LRMDA: variants seen among roughly 807,000 people sequenced by gnomAD.
LRMDA encodes leucine-rich melanocyte differentiation-associated protein.
Under a neutral mutation model 29.8 loss-of-function variants are expected in LRMDA, and 18 were observed. That is an observed-to-expected ratio of 0.60 (90% CI 0.42 to 0.90). The LOEUF (loss-of-function observed/expected upper bound fraction) is 0.90, where lower values mean the gene tolerates loss of function less well. Among genes scored for constraint, LRMDA ranks in the 40% least tolerant of loss-of-function variants. The pLI is 0.00. For synonymous variants in LRMDA, 125 were observed against 109.4 expected (o/e 1.14, Z -0.89); for missense variants, 273 against 273.9 (o/e 1.00, Z 0.02).
intron 2 of LRMDA, among the ~76,000 whole-genome samples, chr10:75,924,459 CA>C (rs534764978): frequency 2.0e-5 from 3 of 151,748 alleles, no homozygotes; most frequent in Non-Finnish European, 4.4e-5. Context: ...GATGGCTTGT[CA>C]AAAAAAATAA....
chr10:75,964,636 C>T (rs1274256674), intron 2 of LRMDA, among the ~76,000 whole-genome samples: 1 of 152,162 alleles, frequency 6.6e-6, no homozygotes, highest in Non-Finnish European at 1.5e-5. Flanking sequence ...AGGCGTTACC[C>T]CCGTACATGC....
intron 2 of LRMDA, among the ~76,000 whole-genome samples, chr10:76,010,204 A>T (rs1028477242): frequency 6.6e-6 from 1 of 152,172 alleles, no homozygotes; most frequent in African/African-American, 2.4e-5. Flanking sequence ...AGGAAGACTT[A>T]AAATGGCTTT....
chr10:76,297,781 G>A (rs1409980321), intron 5 of LRMDA, among the ~76,000 whole-genome samples: 1 of 152,090 alleles, frequency 6.6e-6, no homozygotes, highest in Admixed American at 6.6e-5. Flanking sequence ...GGCAGAAAAT[G>A]ATTTCCCCCT....
chr10:76,286,367 C>T (rs538449436), intron 5 of LRMDA, among the ~76,000 whole-genome samples: 4 of 152,324 alleles, frequency 2.6e-5, no homozygotes, highest in Non-Finnish European at 5.9e-5. Context: ...TTAACCAACC[C>T]GGTGACCCCG....
intron 5 of LRMDA, among the ~76,000 whole-genome samples, chr10:76,185,739 A>G (rs1432121110): frequency 1.3e-5 from 2 of 152,214 alleles, no homozygotes; most frequent in Non-Finnish European, 2.9e-5. Flanking sequence ...TCGGTCTGGT[A>G]AGAACCAAAG....
chr10:75,584,266 T>C (rs1189727623), intron 2 of LRMDA, among the ~76,000 whole-genome samples: 1 of 152,182 alleles, frequency 6.6e-6, no homozygotes, highest in Non-Finnish European at 1.5e-5. Context: ...TCATTCCTCA[T>C]GGCATATTGC....
chr10:75,945,087 A>AT (rs1224377590), intron 2 of LRMDA, among the ~76,000 whole-genome samples: 22 of 152,152 alleles, frequency 1.4e-4, no homozygotes, highest in African/African-American at 5.1e-4. Flanking sequence ...TAGACAATAC[A>AT]TTGTATAGAC....
intron 6 of LRMDA, among the ~76,000 whole-genome samples, chr10:76,520,456 TTAAC>T (rs1403020631): frequency 6.6e-6 from 1 of 152,174 alleles, no homozygotes; most frequent in African/African-American, 2.4e-5. Context: ...TTTAAATGTA[TTAAC>T]TAAGAGGAAT....
In LRMDA at chr10:75,563,209, C is replaced by T. The variant is rs560375254; in HGVS notation, c.131+124715C>T. On this transcript the variant is annotated intron_variant, in intron 2 of 6. Coordinates refer to ENST00000611255, the MANE Select transcript of LRMDA (RefSeq NM_001305581.2). ...GGTCTTTTCACATAGTCCCATATTT[C>T]TTGGAGGCTTTATTCGTTTCTTTTT... Among the ~76,000 whole-genome samples, 5 of 152,220 alleles carry T rather than the reference C, an allele frequency of 3.3e-5. No homozygotes were observed. In the East Asian group the frequency reaches 9.6e-4, roughly 29 times the overall value.
intron 3 of LRMDA, among the ~76,000 whole-genome samples, chr10:76,045,455 CTTGCTAGTTTCCCCCTCTT>C (rs1479012423): frequency 6.6e-6 from 1 of 151,356 alleles, no homozygotes; most frequent in Non-Finnish European, 1.5e-5. Context: ...GTTTCCTCCT[CTTGCTAGTTTCCCCCTCTT>C]TTGCTAGTTT....
intron 2 of LRMDA, among the ~76,000 whole-genome samples, chr10:76,008,352 T>C (rs1169162750): frequency 6.6e-6 from 1 of 152,162 alleles, no homozygotes; most frequent in Non-Finnish European, 1.5e-5. Context: ...GACTGAAGGC[T>C]GGAGGGGCTT....
intron 2 of LRMDA, among the ~76,000 whole-genome samples, chr10:75,908,315 C>G (rs1349632909): frequency 6.6e-6 from 1 of 152,198 alleles, no homozygotes; most frequent in Non-Finnish European, 1.5e-5. Flanking sequence ...CTTCCCTCCA[C>G]CAGCACCTTC....
intron 5 of LRMDA, among the ~76,000 whole-genome samples, chr10:76,302,905 C>A (rs1481960331): frequency 6.6e-6 from 1 of 152,168 alleles, no homozygotes; most frequent in African/African-American, 2.4e-5. Flanking sequence ...CGCAACAAAA[C>A]CCCTTTTCTT....
At chr10:76,104,654 C>T (rs1042868719) in intron 5 of LRMDA, among the ~76,000 whole-genome samples, 3 of 152,070 alleles carry the variant, frequency 2.0e-5, no homozygotes, top group African/African-American at 7.3e-5. Context: ...TGCCCACACC[C>T]CTGTAAAGAA....
At chr10:75,571,533 T>A (rs1001327266) in intron 2 of LRMDA, among the ~76,000 whole-genome samples, 20 of 152,170 alleles carry the variant, frequency 1.3e-4, no homozygotes, top group Admixed American at 1.2e-3. Context: ...GGCGGTTAAA[T>A]CTGGATTATT....
intron 2 of LRMDA, among the ~76,000 whole-genome samples, chr10:75,523,057 C>A (rs908458118): frequency 6.6e-6 from 1 of 152,226 alleles, no homozygotes; most frequent in Non-Finnish European, 1.5e-5. Context: ...CATTTCCCCT[C>A]TTTGAACTTC....
intron 4 of LRMDA, among the ~76,000 whole-genome samples, chr10:76,053,169 G>C (rs1035722349): frequency 4.6e-5 from 7 of 152,094 alleles, no homozygotes; most frequent in Admixed American, 1.3e-4. Context: ...GATAGCCCCT[G>C]TTGACAGTCT....
chr10:75,916,755 C>T (rs551257327), intron 2 of LRMDA, among the ~76,000 whole-genome samples: 96 of 152,258 alleles, frequency 6.3e-4, no homozygotes, highest in Non-Finnish European at 1.0e-3. Context: ...TGCGAAAACA[C>T]GCTGGTGATT....
intron 5 of LRMDA, among the ~76,000 whole-genome samples, chr10:76,277,680 T>C (rs1392282566): frequency 6.6e-6 from 1 of 152,196 alleles, no homozygotes; most frequent in Non-Finnish European, 1.5e-5. Flanking sequence ...ATATACAGTG[T>C]GAATGGCTTC....
Sources: gnomAD v4.1 joint callset for allele counts (sites outside exome capture counted in the v4.1 genomes callset) on GRCh38, gnomAD v4.1.1 for gene constraint, MANE v1.5 for transcripts, NCBI Gene and HGNC (gene_info 2026-07-23, HGNC 2026-07-21) for gene names.